Variants in AHNAK2 observed in about 807,000 individuals in gnomAD.
The protein encoded by AHNAK2 is AHNAK nucleoprotein 2.
Under a neutral mutation model 30.7 loss-of-function variants are expected in AHNAK2, and 18 were observed. That is an observed-to-expected ratio of 0.59 (90% CI 0.41 to 0.87). The LOEUF (loss-of-function observed/expected upper bound fraction) is 0.87, where lower values mean the gene tolerates loss of function less well. Among genes scored for constraint, AHNAK2 ranks in the 40% least tolerant of loss-of-function variants. The probability of loss-of-function intolerance (pLI) is 0.00; values close to 1 mark genes in which losing one functional copy is unlikely to be tolerated. For synonymous variants in AHNAK2, 3,590 were observed against 3,073.8 expected (o/e 1.17, Z -5.56); for missense variants, 8,604 against 7,373.0 (o/e 1.17, Z -6.11).
intron 1 of AHNAK2, among the ~76,000 whole-genome samples, chr14:104,968,504 C>A (rs1443475697): frequency 6.6e-6 from 1 of 152,188 alleles, no homozygotes; most frequent in South Asian, 2.1e-4. Flanking sequence ...ATTGAGGACT[C>A]CCACCAGCCA....
intron 1 of AHNAK2, among the ~76,000 whole-genome samples, 180 bp from the exon 2 acceptor site, chr14:104,957,852 G>A (rs1344026120): frequency 1.3e-5 from 2 of 152,156 alleles, no homozygotes; most frequent in Non-Finnish European, 2.9e-5. Flanking sequence ...TGGAGAGGCT[G>A]AGGCATCACG....
intron 1 of AHNAK2, chr14:104,970,507 T>A: frequency 2.0e-6 from 2 of 985,430 alleles, no homozygotes; most frequent in Non-Finnish European, 2.4e-6. Flanking sequence ...AGATCCCAAC[T>A]GGCCACCTCC....
rs200679989 is a variant in AHNAK2, at chr14:104,948,883, G to A, written c.6568C>T (p.Pro2190Ser). 482 of 1,608,986 alleles carry A rather than the reference G, an allele frequency of 3.0e-4. 5 individuals carry two copies. In the African/African-American group the frequency reaches 3.2e-3, roughly 11 times the overall value. The change falls in exon 7 of 7, where the codon CCC becomes TCC. Residue 2190 changes from proline to serine, a missense_variant. Physicochemically the swap from Pro to Ser is moderately conservative, Grantham distance 74. Coordinates refer to ENST00000333244, the MANE Select transcript of AHNAK2 (RefSeq NM_138420.4). ...PPKVEADMSL[P>S]SMQGDLKTTD... is the part of the protein sequence containing the mutation. ...GTCTTGAGGTCCCCCTGCATGGAGG[G>A]GAGACTCATGTCGGCCTCCACCTTG...
Position 104,942,866 on chromosome 14 carries a change from G to A in AHNAK2, c.12585C>T (p.Gly4195=). The A allele has an allele frequency of 6.2e-7, 1 of 1,612,942 alleles. No homozygotes were observed. The highest frequency in any genetic ancestry group is 1.1e-5 in the South Asian group (1 of 91,032). ...CCTCCGGGAGTTTCACGTCCACTTG[G>A]CCAGCCTGGACCTCCAGGTCGGCGG... ...SPSADLEVQA[G]QVDVKLPEGP... The change falls in exon 7 of 7, where the codon GGC becomes GGT. Residue 4195 remains glycine (G), a synonymous_variant. Transcript: ENST00000333244.
chr14:104,958,392 G>C (rs890728315), intron 1 of AHNAK2, among the ~76,000 whole-genome samples: 2 of 152,136 alleles, frequency 1.3e-5, no homozygotes, highest in African/African-American at 4.8e-5. Context: ...AGGTTGTGGT[G>C]AGCCGAGATT....
rs372010769 is a variant in AHNAK2 at position 104,945,179 on chromosome 14, C to T, written c.10272G>A (p.Lys3424=). 16 of 1,613,284 alleles carry T rather than the reference C, an allele frequency of 9.9e-6. No homozygotes were observed. Among genetic ancestry groups the T allele is most frequent in the African/African-American group, 9.4e-5 (7 of 74,674 alleles). ...CCACATCAGGGACTGTCACTTCCGC[C>T]TTGGGGACTTTTAGGTCCAGCTTGG... ...KGPKLDLKVP[K]AEVTVPDVEV... The change falls in exon 7 of 7, where the codon AAG becomes AAA. Residue 3424 remains lysine (K), a synonymous_variant. Coordinates refer to ENST00000333244, the MANE Select transcript of AHNAK2 (RefSeq NM_138420.4).
In AHNAK2 at chr14:104,942,264, A is replaced by G; in HGVS notation, c.13187T>C (p.Leu4396Pro). Reference protein sequence around the residue: ...MPSFKVPKVDLKGPQIDVNVP... With the variant: ...MPSFKVPKVDPKGPQIDVNVP... ...ATTAACGTCTATCTGGGGACCCTTGAGGTCCACTTTGGGTACCTTGAAACT... is the reference window on the plus strand; with the variant it reads ...ATTAACGTCTATCTGGGGACCCTTGGGGTCCACTTTGGGTACCTTGAAACT... The change falls in exon 7 of 7, where the codon CTC becomes CCC. Residue 4396 changes from leucine (L) to proline (P), a missense_variant. Coordinates refer to ENST00000333244, the MANE Select transcript of AHNAK2 (RefSeq NM_138420.4). 6.2e-7 allele frequency: 1 copy of G among 1,612,922 alleles called. No individual in the cohort carries two copies. Among genetic ancestry groups the G allele is most frequent in the Admixed American group, 1.7e-5 (1 of 59,944 alleles).
Position 104,946,611 on chromosome 14 carries a change from T to A in AHNAK2, c.8840A>T (p.Asp2947Val). Residue 2947 changes from aspartate to valine, a missense_variant, in exon 7 of 7, where the codon GAC (aspartate) becomes GTC (valine). By Grantham distance (152) the Asp-to-Val change is radical. Coordinates refer to ENST00000333244, the MANE Select transcript of AHNAK2 (RefSeq NM_138420.4). ...CAGCTTTGCTCTCGGGGCCTCGACG[T>A]CCACCTCCACGCTGGGCAGAGACAC... ...VEVSLPSVEV[D>V]VEAPRAKLDG... The A allele has an allele frequency of 6.2e-7, 1 of 1,612,410 alleles. No homozygotes were observed. The highest frequency in any genetic ancestry group is 1.7e-4 in the Middle Eastern group (1 of 6,052).
chr14:104,947,794 C>T lies in AHNAK2; in HGVS notation c.7657G>A (p.Glu2553Lys), dbSNP rs375984032. The change falls in exon 7 of 7, where the codon GAG becomes AAG. Residue 2553 changes from glutamate (E) to lysine (K), a missense_variant. Glu to Lys is a moderately conservative substitution (Grantham distance 56). Transcript: ENST00000333244. ...QAGQVDVKLPEGPVPEGAGLK... is the reference protein window; with the variant it reads ...QAGQVDVKLPKGPVPEGAGLK... ...CCGGCTCCCTCCGGCACAGGGCCCTCTGGGAGTTTCACGTCCACTTGGCCA... is the reference window on the plus strand; with the variant it reads ...CCGGCTCCCTCCGGCACAGGGCCCTTTGGGAGTTTCACGTCCACTTGGCCA... 1 of 1,612,620 alleles carries T rather than the reference C, an allele frequency of 6.2e-7. No individual in the cohort carries two copies. The highest frequency in any genetic ancestry group is 2.2e-5 in the East Asian group (1 of 44,752).
chr14:104,944,143 C>G lies in AHNAK2; in HGVS notation c.11308G>C (p.Glu3770Gln). Residue 3770 changes from glutamate to glutamine, a missense_variant, in exon 7 of 7, where the codon GAG becomes CAG. Physicochemically the swap from Glu to Gln is conservative, Grantham distance 29. Transcript: ENST00000333244. ...GCTCTTGGGGCCTGGACGTCCACCT[C>G]CACGCTGGGCAGAGACACCTCCACA... is the stretch of plus-strand genomic sequence containing the variant. ...PDVEVSLPSV[E>Q]VDVQAPRAKL... The G allele has an allele frequency of 1.2e-6, 2 of 1,613,564 alleles. No homozygotes were observed. The highest frequency in any genetic ancestry group is 1.7e-6 in the Non-Finnish European group (2 of 1,179,786).
intron 1 of AHNAK2, among the ~76,000 whole-genome samples, chr14:104,975,581 C>T (rs1276006690): frequency 6.6e-6 from 1 of 152,212 alleles, no homozygotes; most frequent in East Asian, 1.9e-4. Flanking sequence ...GCAGAGCCAG[C>T]ACCTGTCAGA....
Position 104,942,173 on chromosome 14 carries a change from C to A in AHNAK2, c.13278G>T (p.Leu4426=). 1 of 1,613,184 alleles carries A rather than the reference C, an allele frequency of 6.2e-7. No individual in the cohort carries two copies. Among genetic ancestry groups the A allele is most frequent in the African/African-American group, 1.3e-5 (1 of 74,782 alleles). The change falls in exon 7 of 7, where the codon CTG becomes CTT. Residue 4426 remains leucine, a synonymous_variant. Coordinates refer to ENST00000333244, the MANE Select transcript of AHNAK2 (RefSeq NM_138420.4). ...EVTSPNLDVS[L]PSMEVDIQAP... is the part of the protein sequence containing the mutation. ...CTTGGATGTCCACCTCCATGCTGGGCAGAGACACGTCCAGGTTGGGGGACG... is the reference window on the plus strand; with the variant it reads ...CTTGGATGTCCACCTCCATGCTGGGAAGAGACACGTCCAGGTTGGGGGACG...
rs1897918546 is a variant in AHNAK2, at chr14:104,939,650, A to G, written c.15801T>C (p.Asp5267=). Residue 5267 remains aspartate (D), a synonymous_variant, in exon 7 of 7, where the codon GAT becomes GAC. Transcript: ENST00000333244. ...VTASESKSST[D]ILRCDLDSTG... ...TGCTGTCAAGATCACACCTTAGAAT[A>G]TCTGTGGATGATTTGCTCTCAGAAG... 1 of 1,613,778 alleles carries G rather than the reference A, an allele frequency of 6.2e-7. No individual in the cohort carries two copies. Among genetic ancestry groups the G allele is most frequent in the Non-Finnish European group, 8.5e-7 (1 of 1,179,908 alleles).
intron 1 of AHNAK2, among the ~76,000 whole-genome samples, chr14:104,961,760 G>T (rs1899155946): frequency 6.6e-6 from 1 of 152,172 alleles, no homozygotes; most frequent in Non-Finnish European, 1.5e-5. Context: ...AACACTTGAG[G>T]CCAGGAGTTT....
Position 104,939,711 on chromosome 14 carries a change from G to T in AHNAK2, c.15740C>A (p.Ser5247Tyr), listed in dbSNP as rs756709968. 1 of 1,613,882 alleles carries T rather than the reference G, an allele frequency of 6.2e-7. No homozygotes were observed. Among genetic ancestry groups the T allele is most frequent in the East Asian group, 2.2e-5 (1 of 44,886 alleles). The change falls in exon 7 of 7, where the codon TCC (serine) becomes TAC (tyrosine). Residue 5247 changes from serine to tyrosine, a missense_variant. Coordinates refer to ENST00000333244, the MANE Select transcript of AHNAK2 (RefSeq NM_138420.4). ...TGCATCTGCCTCTGGGAGCTGTAGG[G>T]ACATAGCTGCCTCCACGTTTGACCC... Reference protein sequence around the residue: ...VSGSNVEAAMSLQLPEADAEV... With the variant: ...VSGSNVEAAMYLQLPEADAEV...
chr14:104,947,407 T>G lies in AHNAK2; in HGVS notation c.8044A>C (p.Met2682Leu), dbSNP rs551960043. The G allele has an allele frequency of 9.3e-6, 15 of 1,606,922 alleles. No individual in the cohort carries two copies. The highest frequency in any genetic ancestry group is 2.8e-5 in the African/African-American group (2 of 72,500). The change falls in exon 7 of 7, where the codon ATG (methionine) becomes CTG (leucine). Residue 2682 changes from methionine to leucine, a missense_variant. Met to Leu is a conservative substitution (Grantham distance 15). Transcript: ENST00000333244. ...TCCCCTTGCATGGAGGGGAGGCTCA[T>G]GTCGGCTTCCACCTTCAGCTCAGAC... is the stretch of plus-strand genomic sequence containing the variant. ...DVSELKVEADMSLPSMQGDLK... is the reference protein window; with the variant it reads ...DVSELKVEADLSLPSMQGDLK...
In AHNAK2 at chr14:104,939,846, C is replaced by T. The variant is rs571559038; in HGVS notation, c.15605G>A (p.Arg5202His). 23 of 1,613,842 alleles carry T rather than the reference C, an allele frequency of 1.4e-5. 1 individual carries two copies. Among genetic ancestry groups the T allele is most frequent in the South Asian group, 7.7e-5 (7 of 91,088 alleles). ...AGCCCCGCCTCTGTCCCTGAAAGAG[C>T]GCCTAAGGCTGGGCATGCGGAACTT... ...MPKFRMPSLR[R>H]SFRDRGGAGK... Residue 5202 changes from arginine to histidine, a missense_variant, in exon 7 of 7, where the codon CGC (arginine) becomes CAC (histidine). Arg to His is a conservative substitution (Grantham distance 29). Coordinates refer to ENST00000333244, the MANE Select transcript of AHNAK2 (RefSeq NM_138420.4).
At position 104,956,655 on chromosome 14, in the gene AHNAK2, C is replaced by G. The variant is rs777735794; in HGVS notation, c.248G>C (p.Arg83Thr). The G allele has an allele frequency of 1.2e-6, 2 of 1,613,896 alleles. No homozygotes were observed. The highest frequency in any genetic ancestry group is 1.7e-6 in the Non-Finnish European group (2 of 1,179,872). ...DAPGRQGSAG[R>T]RRSWWKRDSG... is the part of the protein sequence containing the mutation. ...ATCTCGCTTCCACCAGGATCTCCGT[C>G]TCCCAGCAGAACCTTGCCTGCCGGG... The change falls in exon 4 of 7, where the codon AGA becomes ACA. Residue 83 changes from arginine (R) to threonine (T), a missense_variant. By Grantham distance (71) the Arg-to-Thr change is moderately conservative (BLOSUM62 -1). Coordinates refer to ENST00000333244, the MANE Select transcript of AHNAK2 (RefSeq NM_138420.4).
chr14:104,945,154 C>T lies in AHNAK2; in HGVS notation c.10297G>A (p.Glu3433Lys), dbSNP rs767652903. Residue 3433 changes from glutamate to lysine, a missense_variant, in exon 7 of 7, where the codon GAG becomes AAG. Transcript: ENST00000333244. Reference sequence around the variant, plus strand: ...ACCTCCACGCTGGGCAGAGACACCTCCACATCAGGGACTGTCACTTCCGCC... The same window carrying T: ...ACCTCCACGCTGGGCAGAGACACCTTCACATCAGGGACTGTCACTTCCGCC... ...PKAEVTVPDV[E>K]VSLPSVEVDV... 5 of 1,613,292 alleles carry T rather than the reference C, an allele frequency of 3.1e-6. No homozygotes were observed. The African/African-American group carries it at 5.4e-5, about 17-fold the overall frequency.
Sources: allele counts gnomAD v4.1 joint callset (sites outside exome capture counted in the v4.1 genomes callset), GRCh38; gene constraint gnomAD v4.1.1; transcripts MANE v1.5; gene names NCBI Gene and HGNC (gene_info 2026-07-23, HGNC 2026-07-21).